CSMD1: variants seen among roughly 807,000 people sequenced by gnomAD.
CSMD1 encodes the protein CUB and sushi domain-containing protein 1.
Under a neutral mutation model 417.5 loss-of-function variants are expected in CSMD1, and 213 were observed. The observed-to-expected ratio is 0.51, with a 90% confidence interval of 0.46 to 0.57. CSMD1 has a LOEUF of 0.57. Among genes scored for constraint, CSMD1 ranks in the 20% least tolerant of loss-of-function variants. The pLI is 0.00. For missense variants in CSMD1, 6,923 were observed against 4,529.7 expected, an observed-to-expected ratio of 1.53 and a Z score of -15.17; for synonymous variants, 2,862 against 1,736.8, an observed-to-expected ratio of 1.65 and a Z score of -16.11.
chr8:3,372,903 G>T (rs1160381627), intron 18 of CSMD1, among the ~76,000 whole-genome samples: 1 of 152,150 alleles, frequency 6.6e-6, no homozygotes, highest in Non-Finnish European at 1.5e-5. Context: ...ACCGCGTAGT[G>T]GGAAGAAAAC....
chr8:4,989,162 G>C (rs1474779245), intron 1 of CSMD1, among the ~76,000 whole-genome samples: 1 of 152,194 alleles, frequency 6.6e-6, no homozygotes, highest in African/African-American at 2.4e-5. Context: ...TCATGTAATT[G>C]AAGGCAAGGT....
intron 3 of CSMD1, among the ~76,000 whole-genome samples, chr8:4,380,410 G>A (rs1173258114): frequency 6.6e-6 from 1 of 152,142 alleles, no homozygotes; most frequent in African/African-American, 2.4e-5. Flanking sequence ...GAAAACATCA[G>A]AAACATCACA....
At chr8:4,482,789 T>A (rs1449906724) in intron 2 of CSMD1, among the ~76,000 whole-genome samples, 1 of 152,226 alleles carries the variant, frequency 6.6e-6, no homozygotes, top group African/African-American at 2.4e-5. Context: ...ATAGCCATTC[T>A]GACTGGTGTG....
At chr8:4,846,536 A>G (rs948502358) in intron 1 of CSMD1, among the ~76,000 whole-genome samples, 2 of 152,324 alleles carry the variant, frequency 1.3e-5, no homozygotes, top group African/African-American at 4.8e-5. Flanking sequence ...TGGTCCAGCC[A>G]CAGGCTCCTG....
At chr8:3,447,237 T>A (rs554076484) in intron 12 of CSMD1, among the ~76,000 whole-genome samples, 1 of 152,072 alleles carries the variant, frequency 6.6e-6, no homozygotes, top group Admixed American at 6.6e-5. Context: ...AAACACAAAT[T>A]AACAGAAAAT....
chr8:2,953,801 G>C (rs956565707), intron 65 of CSMD1, among the ~76,000 whole-genome samples: 1 of 152,164 alleles, frequency 6.6e-6, no homozygotes, highest in African/African-American at 2.4e-5. Context: ...GAAAAAAATT[G>C]GGCTCCATGT....
chr8:4,115,825 G>C (rs1585345849), intron 3 of CSMD1, among the ~76,000 whole-genome samples: 2 of 151,922 alleles, frequency 1.3e-5, no homozygotes, highest in Admixed American at 6.6e-5. Flanking sequence ...TAAAAAAAAA[G>C]CCAATCTGAA....
intron 10 of CSMD1, among the ~76,000 whole-genome samples, chr8:3,552,011 A>C (rs2116788099): frequency 1.3e-5 from 2 of 152,372 alleles, no homozygotes; most frequent in South Asian, 4.1e-4. Flanking sequence ...GAACTCGAGA[A>C]GTTTCATAGC....
chr8:3,900,307 G>C (rs1012255779), intron 5 of CSMD1, among the ~76,000 whole-genome samples: 3 of 151,458 alleles, frequency 2.0e-5, no homozygotes, highest in Admixed American at 2.0e-4. Flanking sequence ...CTGTAGCTGG[G>C]TGACAGTGCA....
chr8:4,642,861 A>C (rs1330377753), intron 1 of CSMD1, among the ~76,000 whole-genome samples: 1 of 152,228 alleles, frequency 6.6e-6, no homozygotes, highest in Non-Finnish European at 1.5e-5. Flanking sequence ...AATTGGGTTT[A>C]GGGACTTAGA....
Position 3,367,200 on chromosome 8 carries a change from A to G in CSMD1, c.2947T>C (p.Tyr983His), listed in dbSNP as rs1367888813. ...CTTCCATCCTCTGTGATCAGTAAAT[A>G]GTCGTGGGAACTCTCAAGATGAAAG... is the stretch of plus-strand genomic sequence containing the variant. ...HTFHLESSHD[Y>H]LLITEDGSFS... Residue 983 changes from tyrosine to histidine, a missense_variant, in exon 20 of 70, where the codon TAT becomes CAT. Physicochemically the swap from Tyr to His is moderately conservative, Grantham distance 83 (BLOSUM62 2). Coordinates refer to ENST00000635120, the MANE Select transcript of CSMD1 (RefSeq NM_033225.6). 8 of 1,613,528 alleles carry G rather than the reference A, an allele frequency of 5.0e-6. No homozygotes were observed. In the African/African-American group the frequency reaches 6.7e-5, roughly 13 times the overall value.
chr8:3,039,511 C>A (rs986979621), intron 50 of CSMD1, among the ~76,000 whole-genome samples: 5 of 148,586 alleles, frequency 3.4e-5, no homozygotes, highest in African/African-American at 1.2e-4. Flanking sequence ...CCTTCTTTCC[C>A]TTCCTCCCTC....
chr8:3,773,770 T>C (rs922470219), intron 5 of CSMD1, among the ~76,000 whole-genome samples: 16 of 152,268 alleles, frequency 1.1e-4, no homozygotes, highest in African/African-American at 2.6e-4. Context: ...AGAATAAATA[T>C]CCAGAATAAA....
intron 25 of CSMD1, among the ~76,000 whole-genome samples, chr8:3,298,130 C>A (rs750481949): frequency 3.3e-5 from 5 of 152,170 alleles, no homozygotes; most frequent in Non-Finnish European, 5.9e-5. Context: ...CTCATATACA[C>A]CCTCTCAGGG....
intron 3 of CSMD1, among the ~76,000 whole-genome samples, chr8:4,378,696 A>C (rs1428490862): frequency 6.6e-6 from 1 of 152,120 alleles, no homozygotes; most frequent in East Asian, 1.9e-4. Flanking sequence ...AAATGTTGAA[A>C]CCTAATATTC....
intron 3 of CSMD1, among the ~76,000 whole-genome samples, chr8:4,228,743 G>C (rs1212372370): frequency 6.6e-6 from 1 of 152,052 alleles, no homozygotes; most frequent in Non-Finnish European, 1.5e-5. Flanking sequence ...GAGTGCAGTG[G>C]TGGGATCTTA....
chr8:4,331,750 T>G (rs1456285937), intron 3 of CSMD1, among the ~76,000 whole-genome samples: 3 of 152,182 alleles, frequency 2.0e-5, no homozygotes, highest in African/African-American at 4.8e-5. Flanking sequence ...TTAACCAGCT[T>G]CGGTCCATGT....
chr8:4,801,198 G>C (rs192509582), intron 1 of CSMD1, among the ~76,000 whole-genome samples: 29 of 152,242 alleles, frequency 1.9e-4, no homozygotes, highest in African/African-American at 7.0e-4. Flanking sequence ...CCTACTTCTG[G>C]TCATTTCTTA....
At chr8:4,861,900 G>A (rs998836350) in intron 1 of CSMD1, among the ~76,000 whole-genome samples, 1 of 151,990 alleles carries the variant, frequency 6.6e-6, no homozygotes, top group African/African-American at 2.4e-5. Context: ...AGAACCTGAA[G>A]AACTTTCCAC....
Sources: gnomAD v4.1 joint callset for allele counts (sites outside exome capture counted in the v4.1 genomes callset) on GRCh38, gnomAD v4.1.1 for gene constraint, MANE v1.5 for transcripts, NCBI Gene and HGNC (gene_info 2026-07-23, HGNC 2026-07-21) for gene names.